Variants in ARHGAP15 observed in about 807,000 individuals in gnomAD.
ARHGAP15 encodes rho GTPase-activating protein 15.
A neutral mutation model predicts 63.7 loss-of-function variants in ARHGAP15; 51 were observed. The ratio of observed to expected loss-of-function variants is 0.80; its 90% CI spans 0.64 to 1.01. The LOEUF (loss-of-function observed/expected upper bound fraction) is 1.01, where lower values mean the gene tolerates loss of function less well. ARHGAP15 is among the 50% of genes least tolerant of loss of function. ARHGAP15 has a pLI of 0.00. For synonymous variants in ARHGAP15, 191 were observed against 193.8 expected, an observed-to-expected ratio of 0.99 and a Z score of 0.12; for missense variants, 560 against 564.6, an observed-to-expected ratio of 0.99 and a Z score of 0.08.
intron 6 of ARHGAP15, among the ~76,000 whole-genome samples, chr2:143,373,288 T>C (rs1249437503): frequency 2.6e-5 from 4 of 152,130 alleles, no homozygotes; most frequent in Admixed American, 1.3e-4. Flanking sequence ...AGCCAGGTAA[T>C]GTGTTCCAAG....
intron 6 of ARHGAP15, among the ~76,000 whole-genome samples, chr2:143,343,228 C>A (rs1417312226): frequency 1.3e-5 from 2 of 151,970 alleles, no homozygotes; most frequent in East Asian, 3.9e-4. Context: ...AGTAGGAGCT[C>A]ACCATGTGGA....
chr2:143,230,251 G>A (rs1286637304), intron 5 of ARHGAP15, among the ~76,000 whole-genome samples: 1 of 152,074 alleles, frequency 6.6e-6, no homozygotes, highest in East Asian at 1.9e-4. Context: ...GCGAATGTGT[G>A]GGATAATGGG....
chr2:143,376,452 G>A (rs1328520724), intron 6 of ARHGAP15, among the ~76,000 whole-genome samples: 1 of 152,160 alleles, frequency 6.6e-6, no homozygotes, highest in Non-Finnish European at 1.5e-5. Flanking sequence ...TAAGGTTGGT[G>A]TAGAAAACGA....
chr2:143,767,985 A>G lies in ARHGAP15; in HGVS notation c.1245-4A>G, dbSNP rs2072977382. Reference sequence around the variant, plus strand: ...AAATTATTTTTTTTTCTCTCTCTCCACAGGATAGTGGCCAAAGCCTCCAAG... The same window carrying G: ...AAATTATTTTTTTTTCTCTCTCTCCGCAGGATAGTGGCCAAAGCCTCCAAG... On this transcript the variant is annotated splice_region_variant and splice_polypyrimidine_tract_variant and intron_variant, in intron 13 of 13. Coordinates refer to ENST00000295095, the MANE Select transcript of ARHGAP15 (RefSeq NM_018460.4). The G allele has an allele frequency of 6.2e-7, 1 of 1,612,884 alleles. No homozygotes were observed. Among genetic ancestry groups the G allele is most frequent in the Non-Finnish European group, 8.5e-7 (1 of 1,179,390 alleles).
chr2:143,707,571 C>G (rs1275836458), intron 13 of ARHGAP15, among the ~76,000 whole-genome samples: 1 of 152,100 alleles, frequency 6.6e-6, no homozygotes, highest in Non-Finnish European at 1.5e-5. Flanking sequence ...ATCGGAAAAC[C>G]CGTATATGCA....
intron 9 of ARHGAP15, among the ~76,000 whole-genome samples, chr2:143,499,701 T>G (rs886914253): frequency 6.6e-6 from 1 of 152,090 alleles, no homozygotes; most frequent in Admixed American, 6.6e-5. Flanking sequence ...AAGTAAGCTG[T>G]GTAGGAAGTA....
At chr2:143,234,657 CTTCTTTATAT>C (rs1284464895) in intron 5 of ARHGAP15, among the ~76,000 whole-genome samples, 1 of 152,168 alleles carries the variant, frequency 6.6e-6, no homozygotes, top group Non-Finnish European at 1.5e-5. Flanking sequence ...CCAAAACAGT[CTTCTTTATAT>C]TTCCTTCGGT....
intron 8 of ARHGAP15, among the ~76,000 whole-genome samples, chr2:143,456,503 A>C (rs1267740971): frequency 6.6e-6 from 1 of 151,998 alleles, no homozygotes; most frequent in African/African-American, 2.4e-5. Context: ...CCTTCCAAAA[A>C]GAAAAAAATT....
chr2:143,756,610 G>C (rs928146083), intron 13 of ARHGAP15, among the ~76,000 whole-genome samples: 5 of 151,684 alleles, frequency 3.3e-5, no homozygotes, highest in African/African-American at 1.2e-4. Flanking sequence ...AATGCAAATG[G>C]CTAAAACCAT....
chr2:143,726,918 C>A (rs1441710353), intron 13 of ARHGAP15, among the ~76,000 whole-genome samples: 1 of 152,174 alleles, frequency 6.6e-6, no homozygotes, highest in Non-Finnish European at 1.5e-5. Context: ...TAGCAAAAGG[C>A]AAACCTGGAT....
intron 6 of ARHGAP15, among the ~76,000 whole-genome samples, chr2:143,304,566 C>A (rs1683079433): frequency 6.6e-6 from 1 of 152,012 alleles, no homozygotes; most frequent in African/African-American, 2.4e-5. Context: ...AACAAACCTG[C>A]ATGTTGTGCA....
intron 10 of ARHGAP15, among the ~76,000 whole-genome samples, chr2:143,520,392 T>C (rs1328518417): frequency 1.2e-4 from 19 of 152,178 alleles, no homozygotes; most frequent in Admixed American, 4.6e-4. Flanking sequence ...AAGGACAGCC[T>C]TGGGATCCTA....
intron 8 of ARHGAP15, among the ~76,000 whole-genome samples, chr2:143,464,669 T>A (rs1409319049): frequency 6.6e-6 from 1 of 152,174 alleles, no homozygotes; most frequent in East Asian, 1.9e-4. Flanking sequence ...TTTGCCTCTT[T>A]ACTTGCTGAT....
intron 13 of ARHGAP15, among the ~76,000 whole-genome samples, chr2:143,715,146 C>A (rs1684752572): frequency 6.6e-6 from 1 of 152,080 alleles, no homozygotes; most frequent in Non-Finnish European, 1.5e-5. Context: ...AGAATCATGG[C>A]AGGAGGTAAA....
intron 5 of ARHGAP15, chr2:143,247,481 A>G (rs1694088477): frequency 6.6e-6 from 1 of 152,108 alleles, no homozygotes; most frequent in Admixed American, 6.5e-5. Flanking sequence ...CCTCAGCCCT[A>G]TTGGGTTAAT....
intron 13 of ARHGAP15, chr2:143,766,728 G>T (rs570195389): frequency 6.6e-6 from 1 of 152,276 alleles, no homozygotes; most frequent in South Asian, 2.1e-4. Context: ...GATGGAAAAG[G>T]CATTACATCT....
intron 8 of ARHGAP15, among the ~76,000 whole-genome samples, chr2:143,484,149 T>G (rs1193202961): frequency 6.6e-6 from 1 of 151,858 alleles, no homozygotes; most frequent in Non-Finnish European, 1.5e-5. Flanking sequence ...GTGGATCACT[T>G]GAGGTCAGAA....
intron 6 of ARHGAP15, among the ~76,000 whole-genome samples, chr2:143,297,086 A>AG (rs1427450663): frequency 6.6e-6 from 1 of 151,936 alleles, no homozygotes; most frequent in East Asian, 1.9e-4. Flanking sequence ...TATCTTCCTG[A>AG]GGGGGAGCCT....
chr2:143,416,868 C>T (rs1386050907), intron 6 of ARHGAP15, among the ~76,000 whole-genome samples: 3 of 140,696 alleles, frequency 2.1e-5, no homozygotes, highest in Non-Finnish European at 4.6e-5. Flanking sequence ...CAACACCACT[C>T]CACCAGAAGC....
Sources: allele counts gnomAD v4.1 joint callset (sites outside exome capture counted in the v4.1 genomes callset), GRCh38; gene constraint gnomAD v4.1.1; transcripts MANE v1.5; gene names NCBI Gene and HGNC (gene_info 2026-07-23, HGNC 2026-07-21).